The following SND1 variants were observed in gnomAD, a reference collection of about 807,000 sequenced individuals.
The protein encoded by SND1 is staphylococcal nuclease domain-containing protein 1.
A neutral mutation model predicts 121.7 loss-of-function variants in SND1; 38 were observed. That is an observed-to-expected ratio of 0.31 (90% CI 0.24 to 0.41). SND1 has a LOEUF of 0.41. Ranked by LOEUF, SND1 falls within the 10% of genes least tolerant of loss-of-function variation. The pLI, the probability that SND1 is intolerant of heterozygous loss-of-function variation, is 1.00. For missense variants in SND1, 868 were observed against 1,184.6 expected, an observed-to-expected ratio of 0.73 and a Z score of 3.92; for synonymous variants, 401 against 447.4, an observed-to-expected ratio of 0.90 and a Z score of 1.31.
Position 127,858,178 on chromosome 7 carries a change from CA to C in SND1, c.1343+13757del. 3 of 800,686 alleles carry C rather than the reference CA, an allele frequency of 3.7e-6. No individual in the cohort carries two copies. The Middle Eastern group carries it at 6.8e-4, about 181-fold the overall frequency. The allele number at this position is 800,686 out of a possible 1,614,324, so 49.6% of individuals were successfully genotyped here. A position where few individuals can be genotyped will look rare whatever the true frequency, so the allele number is the denominator to read the frequency against. On this transcript the variant is annotated intron_variant, in intron 12 of 23. Coordinates refer to ENST00000354725, the MANE Select transcript of SND1 (RefSeq NM_014390.4). The stretch of plus-strand genomic sequence containing the variant: ...GTGGGGTCCCTAGGGCCTGGCACCC[CA>C]AACCCTTCAGCCGCATGGCCAACTG...
intron 10 of SND1, among the ~76,000 whole-genome samples, chr7:127,740,724 AGCTCCTCAGAT>A (rs1178108680): frequency 6.6e-6 from 1 of 152,080 alleles, no homozygotes; most frequent in Non-Finnish European, 1.5e-5. Context: ...CACCTTCCAA[AGCTCCTCAGAT>A]GCTTCTGATG....
chr7:127,714,650 T>A (rs775352880), intron 9 of SND1, among the ~76,000 whole-genome samples: 7 of 152,224 alleles, frequency 4.6e-5, no homozygotes, highest in Non-Finnish European at 7.3e-5. Flanking sequence ...TACATCCCTC[T>A]GTTTCCCCTC....
At chr7:127,937,171 C>T (rs1351948480) in intron 15 of SND1, among the ~76,000 whole-genome samples, 1 of 152,116 alleles carries the variant, frequency 6.6e-6, no homozygotes, top group African/African-American at 2.4e-5. Flanking sequence ...GTTTGCATTT[C>T]CTTAGTGTTA....
At chr7:128,050,825 G>C (rs187368836) in intron 16 of SND1, among the ~76,000 whole-genome samples, 1 of 152,192 alleles carries the variant, frequency 6.6e-6, no homozygotes, top group East Asian at 1.9e-4. Flanking sequence ...AAGAAGATAG[G>C]CAGAGCTGCC....
intron 14 of SND1, among the ~76,000 whole-genome samples, chr7:127,923,745 TCTC>T (rs908634371): frequency 2.6e-5 from 4 of 152,100 alleles, no homozygotes; most frequent in African/African-American, 9.7e-5. Flanking sequence ...CAAAAGTAAT[TCTC>T]CTGGTCTGCA....
intron 15 of SND1, among the ~76,000 whole-genome samples, chr7:127,940,911 C>A (rs1801183747): frequency 6.6e-6 from 1 of 152,234 alleles, no homozygotes; most frequent in Admixed American, 6.5e-5. Flanking sequence ...AGTTTCAGTC[C>A]TGGCACTGGA....
chr7:128,011,493 T>C (rs1803116316), intron 16 of SND1, among the ~76,000 whole-genome samples: 1 of 152,242 alleles, frequency 6.6e-6, no homozygotes, highest in South Asian at 2.1e-4. Flanking sequence ...TTTCCTTGGC[T>C]CTTTTATTGT....
In SND1 at chr7:128,029,169, G is replaced by A; in HGVS notation, c.1779+38113G>A. 2.5e-6 allele frequency: 4 copies of A among 1,614,130 alleles called. No individual in the cohort carries two copies. The highest frequency in any genetic ancestry group is 3.4e-6 in the Non-Finnish European group (4 of 1,180,032). On this transcript the variant is annotated intron_variant, in intron 16 of 23. Transcript: ENST00000354725. This position sits in a 1 kb window ranked among gnomAD's most constrained non-coding sequence, Gnocchi z 4.2. ...ACGGGTAGTCTGAATGAGCACCGTG[G>A]TAGAGGTGGTATATGCCGGCTGGTA...
At chr7:128,065,451 G>C (rs1265561895) in intron 16 of SND1, among the ~76,000 whole-genome samples, 1 of 152,228 alleles carries the variant, frequency 6.6e-6, no homozygotes, top group Non-Finnish European at 1.5e-5. Flanking sequence ...AGCAGGCCTT[G>C]AGGTCAGTTA....
At chr7:127,957,350 C>T (rs1014168533) in intron 15 of SND1, among the ~76,000 whole-genome samples, 2 of 152,170 alleles carry the variant, frequency 1.3e-5, no homozygotes, top group African/African-American at 2.4e-5. Context: ...GCCCTGTGTA[C>T]GCTATAGCCA....
At chr7:127,970,994 G>A (rs900917323) in intron 15 of SND1, among the ~76,000 whole-genome samples, 3 of 152,032 alleles carry the variant, frequency 2.0e-5, no homozygotes, top group Non-Finnish European at 4.4e-5. Context: ...TCCTGATAAG[G>A]CCCCAGTGTG....
chr7:127,765,194 T>A (rs1042008601), intron 10 of SND1, among the ~76,000 whole-genome samples: 1 of 152,166 alleles, frequency 6.6e-6, no homozygotes, highest in African/African-American at 2.4e-5. Context: ...CAAGAGACTT[T>A]TTGTGATGTT....
At chr7:127,790,358 G>A (rs1489081894) in intron 10 of SND1, among the ~76,000 whole-genome samples, 1 of 152,174 alleles carries the variant, frequency 6.6e-6, no homozygotes, top group Non-Finnish European at 1.5e-5. Context: ...ACAAGGAGCT[G>A]AGTGCTTGGA....
At chr7:127,827,767 A>G (rs981363664) in intron 11 of SND1, among the ~76,000 whole-genome samples, 2 of 152,058 alleles carry the variant, frequency 1.3e-5, no homozygotes, top group Non-Finnish European at 2.9e-5. Flanking sequence ...GGTTTTATTA[A>G]TAAGTATCAT....
At position 127,767,418 on chromosome 7, in the gene SND1, A is replaced by G. The variant is rs910076844; in HGVS notation, c.1153-40066A>G. ...GATGTGAAGCTAGGCCCTCGAATCT[A>G]TTTCTATTAGCCCTGTCAATATAGT... On this transcript the variant is annotated intron_variant, in intron 10 of 23. Transcript: ENST00000354725. 3.9e-5 allele frequency among the ~76,000 whole-genome samples: 6 copies of G among 152,284 alleles called. No homozygotes were observed. The East Asian group carries it at 9.6e-4, about 24-fold the overall frequency.
At chr7:127,956,256 C>T (rs1180738181) in intron 15 of SND1, among the ~76,000 whole-genome samples, 2 of 152,148 alleles carry the variant, frequency 1.3e-5, no homozygotes, top group African/African-American at 4.8e-5. Context: ...AGTCTCTGCT[C>T]CCGCCTCCTT....
At chr7:127,718,590 A>C (rs1796431935) in intron 9 of SND1, 1 of 985,392 alleles carries the variant, frequency 1.0e-6, no homozygotes, top group East Asian at 1.1e-4. Context: ...GAGGTTTCTA[A>C]TCAGGGAGAT....
chr7:127,830,797 C>T (rs1247008956), intron 11 of SND1, among the ~76,000 whole-genome samples: 9 of 152,180 alleles, frequency 5.9e-5, no homozygotes, highest in Middle Eastern at 6.8e-3. Flanking sequence ...CTGTTCTTCC[C>T]TCCCTCTGTT....
intron 10 of SND1, among the ~76,000 whole-genome samples, chr7:127,763,681 G>A (rs1319038006): frequency 3.3e-5 from 5 of 151,220 alleles, no homozygotes; most frequent in Admixed American, 6.6e-5. Flanking sequence ...AAAAACTTAC[G>A]GACAAAAAAA....
Sources: allele counts gnomAD v4.1 joint callset (sites outside exome capture counted in the v4.1 genomes callset), GRCh38; gene constraint gnomAD v4.1.1; non-coding constraint Gnocchi (gnomAD v3.1); transcripts MANE v1.5; gene names NCBI Gene and HGNC (gene_info 2026-07-23, HGNC 2026-07-21).